The following TBC1D4 variants were observed in gnomAD, a reference collection of about 807,000 sequenced individuals.
TBC1D4 encodes TBC (Tre-2, BUB2, CDC16) domain-containing protein.
In TBC1D4, 121 loss-of-function variants were observed where a neutral mutation model predicts 142.5. The ratio of observed to expected loss-of-function variants is 0.85; its 90% CI spans 0.73 to 0.99. The LOEUF (loss-of-function observed/expected upper bound fraction) is 0.99, where lower values mean the gene tolerates loss of function less well. Among genes scored for constraint, TBC1D4 ranks in the 50% least tolerant of loss-of-function variants. The pLI is 0.00. For synonymous variants in TBC1D4, 630 were observed against 628.2 expected, an observed-to-expected ratio of 1.00 and a Z score of -0.04; for missense variants, 1,475 against 1,606.6, an observed-to-expected ratio of 0.92 and a Z score of 1.40.
In TBC1D4 at chr13:75,379,885, C is replaced by CTTTTTTTTTTTT. The variant is rs1883718060; in HGVS notation, c.499-17279_499-17278insAAAAAAAAAAAA. ...AAGTATATCAGTTTTGTTCATCTGACTCTTTTTTTTTTTTTTTTTTTTTTT... is the reference window on the plus strand; with the variant it reads ...AAGTATATCAGTTTTGTTCATCTGACTTTTTTTTTTTTTCTTTTTTTTTTTTTTTTTTTTTTT... On this transcript the variant is annotated intron_variant, in intron 1 of 20. Coordinates refer to ENST00000377636, the MANE Select transcript of TBC1D4 (RefSeq NM_014832.5). 4.1e-5 allele frequency among the ~76,000 whole-genome samples: 4 copies of CTTTTTTTTTTTT among 98,536 alleles called. 2 individuals carry two copies. The highest frequency in any genetic ancestry group is 8.0e-5 in the Non-Finnish European group (4 of 50,102). The allele number at this position is 98,536 out of a possible 152,430, so 64.6% of individuals were successfully genotyped here.
rs143485047 is a variant in TBC1D4 at position 75,333,397 on chromosome 13, T to C, written c.1731+3524A>G. ...ACATGAAAACAGCAAGCAGAAAAAA[T>C]AAATTTAAAAAAACACCCTGGGTGG... On this transcript the variant is annotated intron_variant, in intron 8 of 20. Transcript: ENST00000377636. 7.9e-5 allele frequency among the ~76,000 whole-genome samples: 12 copies of C among 152,052 alleles called. No homozygotes were observed. The East Asian group carries it at 2.3e-3, about 29-fold the overall frequency.
At chr13:75,290,439 C>T (rs559343562) in intron 19 of TBC1D4, among the ~76,000 whole-genome samples, 11 of 152,022 alleles carry the variant, frequency 7.2e-5, no homozygotes, top group African/African-American at 2.4e-4. Flanking sequence ...CTCATTAATC[C>T]CAATAGTAAT....
rs1294909567 is a variant in TBC1D4, at chr13:75,327,753, T to G, written c.1805A>C (p.Lys602Thr). 6.2e-7 allele frequency: 1 copy of G among 1,613,898 alleles called. No homozygotes were observed. The highest frequency in any genetic ancestry group is 8.5e-7 in the Non-Finnish European group (1 of 1,179,904). The change falls in exon 9 of 21, where the codon AAG becomes ACG. Residue 602 changes from lysine (K) to threonine (T), a missense_variant and splice_region_variant. Transcript: ENST00000377636. ...FERSNSLASE[K>T]DYSPGDSPPG... ...TGTAAACAAGCTCTAGTTAGATACC[T>G]TCTCTGAAGCAAGACTGTTGGACCG...
chr13:75,296,182 TAAG>T (rs1312494346), intron 17 of TBC1D4, among the ~76,000 whole-genome samples: 3 of 151,808 alleles, frequency 2.0e-5, no homozygotes, highest in African/African-American at 7.2e-5. Context: ...AGCTATAAAA[TAAG>T]AAGCTTAGCT....
intron 20 of TBC1D4, among the ~76,000 whole-genome samples, chr13:75,287,255 AC>A (rs1489019283): frequency 6.6e-6 from 1 of 151,692 alleles, no homozygotes; most frequent in East Asian, 1.9e-4. Context: ...ATACTAAATC[AC>A]CCCCCTCACC....
At position 75,326,425 on chromosome 13, in the gene TBC1D4, T is replaced by C; in HGVS notation, c.1807-2A>G. 6.2e-7 allele frequency: 1 copy of C among 1,614,112 alleles called. No homozygotes were observed. Among genetic ancestry groups the C allele is most frequent in the Non-Finnish European group, 8.5e-7 (1 of 1,180,002 alleles). On this transcript the variant is annotated splice_acceptor_variant, in intron 9 of 20. Transcript: ENST00000377636. LOFTEE classifies it high-confidence loss of function. ...TGGAGAATCCCCTGGTGAGTAGTCC[T>C]GAAACACAAGCGGAAGGGAGCCCTT...
At chr13:75,422,665 A>T (rs1371898427) in intron 1 of TBC1D4, among the ~76,000 whole-genome samples, 3 of 152,184 alleles carry the variant, frequency 2.0e-5, no homozygotes, top group Non-Finnish European at 4.4e-5. Flanking sequence ...TGCCAGTAAG[A>T]CTATGGAAAG....
chr13:75,299,373 A>T lies in TBC1D4; in HGVS notation c.3113T>A (p.Leu1038His). Residue 1038 changes from leucine to histidine, a missense_variant, in exon 17 of 21, where the codon CTC (leucine) becomes CAC (histidine). This residue lies in a region of TBC1D4 where 248 missense variants were observed against 338.9 expected (regional missense o/e 0.73). Transcript: ENST00000377636. ...FEMLKFLMYDLGFRKQYRPDM... is the reference protein window; with the variant it reads ...FEMLKFLMYDHGFRKQYRPDM... ...AGGTCTGTACTGCTTGCGGAAGCCG[A>T]GGTCATACATGAGGAATTTCAGCAT... The T allele has an allele frequency of 6.2e-7, 1 of 1,614,194 alleles. No homozygotes were observed. Among genetic ancestry groups the T allele is most frequent in the Non-Finnish European group, 8.5e-7 (1 of 1,180,038 alleles).
intron 19 of TBC1D4, 121 bp from the exon 20 acceptor site, chr13:75,289,231 T>TA: frequency 2.5e-6 from 3 of 1,186,752 alleles, no homozygotes; most frequent in South Asian, 1.4e-5. Flanking sequence ...CATTAAAGCA[T>TA]AAAAAAGCAA....
intron 1 of TBC1D4, among the ~76,000 whole-genome samples, chr13:75,477,525 CATA>C (rs1888670211): frequency 1.3e-5 from 2 of 152,174 alleles, no homozygotes; most frequent in South Asian, 2.1e-4. Flanking sequence ...AATTATAAAA[CATA>C]ATGATGCTTC....
intron 1 of TBC1D4, among the ~76,000 whole-genome samples, chr13:75,464,177 G>A (rs898634986): frequency 1.3e-5 from 2 of 152,142 alleles, no homozygotes; most frequent in Non-Finnish European, 2.9e-5. Context: ...AGAGCCCCTG[G>A]CTGTTGGGAA....
At chr13:75,348,773 T>C (rs1881350314) in intron 5 of TBC1D4, among the ~76,000 whole-genome samples, 2 of 152,162 alleles carry the variant, frequency 1.3e-5, no homozygotes, top group South Asian at 4.1e-4. Flanking sequence ...GGGGAAATAT[T>C]AAATAAACAC....
chr13:75,467,957 GT>G (rs1218922593), intron 1 of TBC1D4, among the ~76,000 whole-genome samples: 1 of 151,984 alleles, frequency 6.6e-6, no homozygotes, highest in African/African-American at 2.4e-5. Flanking sequence ...ATTGGCCACA[GT>G]TTTTTTTCTT....
chr13:75,408,473 A>G (rs1885446453), intron 1 of TBC1D4, among the ~76,000 whole-genome samples: 1 of 152,176 alleles, frequency 6.6e-6, no homozygotes, highest in Non-Finnish European at 1.5e-5. Context: ...GTTTTGATAT[A>G]TGTATGTATC....
intron 1 of TBC1D4, among the ~76,000 whole-genome samples, chr13:75,392,095 TTA>T (rs377432786): frequency 3.3e-5 from 5 of 152,336 alleles, no homozygotes; most frequent in African/African-American, 1.2e-4. Context: ...TTGTACTTTT[TTA>T]TCTTTTTAAT....
rs1445388855 is a variant in TBC1D4 at position 75,299,338 on chromosome 13, A to G, written c.3148T>C (p.Ser1050Pro). 1 of 1,614,144 alleles carries G rather than the reference A, an allele frequency of 6.2e-7. No individual in the cohort carries two copies. Among genetic ancestry groups the G allele is most frequent in the Admixed American group, 1.7e-5 (1 of 60,030 alleles). ...FRKQYRPDMM[S>P]LQIQMYQLSR... is the part of the protein sequence containing the mutation. Reference sequence around the variant, plus strand: ...AAGCACAAGTGCCTCACCTGCAGCGACATCATGTCAGGTCTGTACTGCTTG... The same window carrying G: ...AAGCACAAGTGCCTCACCTGCAGCGGCATCATGTCAGGTCTGTACTGCTTG... Residue 1050 changes from serine (S) to proline (P), a missense_variant, in exon 17 of 21, where the codon TCG (serine) becomes CCG (proline). Ser to Pro is a moderately conservative substitution (Grantham distance 74). Around this residue, in one of 2 missense-constraint regions of TBC1D4, gnomAD observed 248 missense variants for 338.9 expected, o/e 0.73. Transcript: ENST00000377636.
At chr13:75,363,867 A>T (rs545165249) in intron 1 of TBC1D4, among the ~76,000 whole-genome samples, 1 of 152,254 alleles carries the variant, frequency 6.6e-6, no homozygotes, top group Non-Finnish European at 1.5e-5. Context: ...TAAACCAAAA[A>T]GTATCTGAGA....
intron 5 of TBC1D4, among the ~76,000 whole-genome samples, chr13:75,344,889 C>T (rs1281092053): frequency 6.6e-6 from 1 of 152,200 alleles, no homozygotes; most frequent in African/African-American, 2.4e-5. Context: ...ATCTTCCTCA[C>T]TAACAATACT....
At chr13:75,307,271 T>C (rs1345148335) in intron 14 of TBC1D4, among the ~76,000 whole-genome samples, 1 of 152,228 alleles carries the variant, frequency 6.6e-6, no homozygotes, top group Non-Finnish European at 1.5e-5. Flanking sequence ...CCTCCTGTGT[T>C]CATTTGTAAT....
Sources: allele counts gnomAD v4.1 joint callset (sites outside exome capture counted in the v4.1 genomes callset), GRCh38; gene constraint gnomAD v4.1.1; regional missense constraint gnomAD v4.1.1; transcripts MANE v1.5; gene names NCBI Gene and HGNC (gene_info 2026-07-23, HGNC 2026-07-21).